Variants in NAV2 observed in about 807,000 individuals in gnomAD.
NAV2 encodes helicase, APC down-regulated 1.
In NAV2, 54 loss-of-function variants were observed where a neutral mutation model predicts 223.2. That is an observed-to-expected ratio of 0.24 (90% CI 0.19 to 0.30). The LOEUF is 0.30. Among genes scored for constraint, NAV2 ranks in the 10% least tolerant of loss-of-function variants. The pLI is 1.00. For synonymous variants in NAV2, 1,279 were observed against 1,239.3 expected, an observed-to-expected ratio of 1.03 and a Z score of -0.67; for missense variants, 2,806 against 3,147.5, an observed-to-expected ratio of 0.89 and a Z score of 2.60.
At chr11:19,862,869 C>G (rs531261067) in intron 3 of NAV2, among the ~76,000 whole-genome samples, 3 of 152,122 alleles carry the variant, frequency 2.0e-5, no homozygotes, top group African/African-American at 7.2e-5. Flanking sequence ...TTTAGGAGGG[C>G]ATTTCCCTAA....
chr11:19,842,272 G>A (rs902812431), intron 2 of NAV2, among the ~76,000 whole-genome samples: 3 of 152,100 alleles, frequency 2.0e-5, no homozygotes, highest in Non-Finnish European at 4.4e-5. Context: ...TAAGTAGCTG[G>A]ACACACATAT....
intron 1 of NAV2, among the ~76,000 whole-genome samples, chr11:19,492,465 G>A (rs1384355380): frequency 6.6e-6 from 1 of 151,890 alleles, no homozygotes; most frequent in Non-Finnish European, 1.5e-5. Context: ...CATCCATCTG[G>A]CTGCTTGAAA....
intron 1 of NAV2, among the ~76,000 whole-genome samples, chr11:19,554,954 TTAAAGA>T (rs1033621515): frequency 1.4e-5 from 2 of 147,198 alleles, no homozygotes; most frequent in African/African-American, 5.2e-5. Flanking sequence ...AAAAAAAAAA[TTAAAGA>T]TAAATAAATT....
chr11:19,741,513 T>A (rs1255349576), intron 1 of NAV2, among the ~76,000 whole-genome samples: 15 of 124,946 alleles, frequency 1.2e-4, no homozygotes, highest in African/African-American at 4.2e-4. Flanking sequence ...TTTTTTTTTT[T>A]AAAGATTCCA....
At chr11:19,947,719 G>C (rs1483002586) in intron 9 of NAV2, among the ~76,000 whole-genome samples, 1 of 152,232 alleles carries the variant, frequency 6.6e-6, no homozygotes, top group Non-Finnish European at 1.5e-5. Flanking sequence ...ACTCTGCCAA[G>C]AGATTGAGCT....
intron 1 of NAV2, among the ~76,000 whole-genome samples, chr11:19,358,346 G>A (rs7935299): frequency 6.6e-6 from 1 of 152,176 alleles, no homozygotes; most frequent in Non-Finnish European, 1.5e-5. Context: ...GGGACAGGTG[G>A]CTGAAGAAGC....
intron 1 of NAV2, among the ~76,000 whole-genome samples, chr11:19,417,251 A>T (rs1244751729): frequency 6.6e-6 from 1 of 152,230 alleles, no homozygotes; most frequent in African/African-American, 2.4e-5. Context: ...AATTTACCAG[A>T]AAAAAACACA....
intron 6 of NAV2, among the ~76,000 whole-genome samples, chr11:19,919,970 AC>A (rs1438608955): frequency 3.3e-5 from 5 of 152,144 alleles, no homozygotes; most frequent in African/African-American, 1.2e-4. Flanking sequence ...CCCCATCTCT[AC>A]AAAAAATAAA....
Position 19,841,861 on chromosome 11 carries a change from C to T in NAV2, c.386-1010C>T, listed in dbSNP as rs76423902. ...ACTACCATTTAGAGAATACTTACTA[C>T]GTGTTGGGCACCGTGCTAAGCATTT... On this transcript the variant is annotated intron_variant, in intron 2 of 37. Coordinates refer to ENST00000349880, the MANE Select transcript of NAV2 (RefSeq NM_145117.5). Among the ~76,000 whole-genome samples, 660 of 152,280 alleles carry T rather than the reference C, an allele frequency of 4.3e-3. 3 individuals carry two copies. Among genetic ancestry groups the T allele is most frequent in the Middle Eastern group, 0.014 (4 of 292 alleles).
chr11:19,359,924 TC>T (rs1293737394), intron 1 of NAV2, among the ~76,000 whole-genome samples: 5 of 152,088 alleles, frequency 3.3e-5, no homozygotes, highest in African/African-American at 1.2e-4. Context: ...TCTTCCCTCT[TC>T]CCTTCAAGGC....
chr11:19,642,768 G>T (rs1402867052), intron 1 of NAV2, among the ~76,000 whole-genome samples: 1 of 152,138 alleles, frequency 6.6e-6, no homozygotes, highest in Non-Finnish European at 1.5e-5. Context: ...AAAAGAAAAG[G>T]CAGCTGCAAA....
In NAV2 at chr11:20,045,173, C is replaced by T. The variant is rs2057316698; in HGVS notation, c.3405C>T (p.Ile1135=). Residue 1135 remains isoleucine (I), a synonymous_variant, in exon 14 of 38, where the codon ATC becomes ATT. Coordinates refer to ENST00000349880, the MANE Select transcript of NAV2 (RefSeq NM_145117.5). The stretch of plus-strand genomic sequence containing the variant: ...GTTCCGCCGCCGGCCTGGCCATGAT[C>T]ACAGCCAGCGGGGTGACTGTCACCA... ...QSGSAAGLAM[I]TASGVTVTSR... is the part of the protein sequence containing the mutation. 6.2e-7 allele frequency: 1 copy of T among 1,614,178 alleles called. No homozygotes were observed. The highest frequency in any genetic ancestry group is 1.1e-5 in the South Asian group (1 of 91,078).
At chr11:19,681,521 G>A (rs546401124) in intron 1 of NAV2, among the ~76,000 whole-genome samples, 4 of 152,120 alleles carry the variant, frequency 2.6e-5, no homozygotes, top group Non-Finnish European at 5.9e-5. Flanking sequence ...GAAGCCTATC[G>A]ATTTAATTAT....
rs776262098 is a variant in NAV2, at chr11:20,095,725, G to C, written c.5970G>C (p.Thr1990=). 1 of 1,614,104 alleles carries C rather than the reference G, an allele frequency of 6.2e-7. No individual in the cohort carries two copies. The highest frequency in any genetic ancestry group is 8.5e-7 in the Non-Finnish European group (1 of 1,179,992). ...GCTGCATTGGAGTTAGTGGCAAGAC[G>C]AAGTGGGATGTGCTCGATGGGGTGG... ...LIGCIGVSGK[T]KWDVLDGVVR... The change falls in exon 30 of 38, where the codon ACG becomes ACC. Residue 1990 remains threonine (T), a synonymous_variant. Coordinates refer to ENST00000349880, the MANE Select transcript of NAV2 (RefSeq NM_145117.5).
At chr11:19,935,077 G>A (rs187494194) in intron 7 of NAV2, among the ~76,000 whole-genome samples, 2 of 152,238 alleles carry the variant, frequency 1.3e-5, no homozygotes, top group Admixed American at 6.5e-5. Flanking sequence ...GGATTCAGGG[G>A]CCACGTCATA....
intron 1 of NAV2, among the ~76,000 whole-genome samples, chr11:19,359,911 T>C (rs1415455744): frequency 6.6e-6 from 1 of 152,104 alleles, no homozygotes; most frequent in Non-Finnish European, 1.5e-5. Flanking sequence ...CATGGTTTCT[T>C]TCTCTTCCCT....
chr11:19,685,846 G>A (rs2049007383), intron 1 of NAV2, among the ~76,000 whole-genome samples: 1 of 152,136 alleles, frequency 6.6e-6, no homozygotes, highest in Admixed American at 6.5e-5. Flanking sequence ...GGTTTCAGGA[G>A]CCTCCCACGC....
At chr11:19,912,564 T>C (rs989653363) in intron 6 of NAV2, among the ~76,000 whole-genome samples, 1 of 152,192 alleles carries the variant, frequency 6.6e-6, no homozygotes, top group East Asian at 1.9e-4. Context: ...AATGAAGGAA[T>C]GCATTCTTTA....
intron 1 of NAV2, among the ~76,000 whole-genome samples, chr11:19,529,693 A>C (rs942581787): frequency 3.9e-5 from 6 of 152,104 alleles, no homozygotes; most frequent in Non-Finnish European, 7.4e-5. Flanking sequence ...TTGGTGGCTG[A>C]TGTGGGGTGG....
Sources: allele counts gnomAD v4.1 joint callset (sites outside exome capture counted in the v4.1 genomes callset), GRCh38; gene constraint gnomAD v4.1.1; transcripts MANE v1.5; gene names NCBI Gene and HGNC (gene_info 2026-07-23, HGNC 2026-07-21).